Variants in RBFOX3 observed in about 807,000 individuals in gnomAD.
RBFOX3 encodes the protein RNA binding protein fox-1 homolog 3.
RBFOX3 carries 17 observed loss-of-function variants against 48.7 expected under a neutral mutation model. That is an observed-to-expected ratio of 0.35 (90% CI 0.24 to 0.52). The LOEUF (loss-of-function observed/expected upper bound fraction) is 0.52. RBFOX3 is among the 20% of genes least tolerant of loss of function. The pLI, the probability that RBFOX3 is intolerant of heterozygous loss-of-function variation, is 0.94. For synonymous variants in RBFOX3, 212 were observed against 209.5 expected (o/e 1.01, Z -0.10); for missense variants, 382 against 497.5 (o/e 0.77, Z 2.21).
At chr17:79,500,881 T>C (rs35392842) in intron 1 of RBFOX3, among the ~76,000 whole-genome samples, 84,761 of 152,046 alleles carry the variant, frequency 0.56, 24,974 homozygotes, top group Non-Finnish European at 0.66. Context: ...GGGACACGTT[T>C]GCTTGTGTGC....
chr17:79,154,999 G>A (rs1465979630), intron 4 of RBFOX3, among the ~76,000 whole-genome samples: 1 of 152,202 alleles, frequency 6.6e-6, no homozygotes, highest in African/African-American at 2.4e-5. Flanking sequence ...CTGAGGAAGG[G>A]GTGGCAGCCG....
At chr17:79,610,135 C>T (rs2093938065) in intron 1 of RBFOX3, among the ~76,000 whole-genome samples, 1 of 152,052 alleles carries the variant, frequency 6.6e-6, no homozygotes, top group Admixed American at 6.5e-5. Flanking sequence ...CGCTGCTCGG[C>T]CCCCGCGCAC....
chr17:79,453,802 G>T (rs1238401749), intron 2 of RBFOX3, among the ~76,000 whole-genome samples: 6 of 152,112 alleles, frequency 3.9e-5, no homozygotes, highest in African/African-American at 1.2e-4. Flanking sequence ...GCTCCCTCAG[G>T]TCCCCATGCA....
intron 1 of RBFOX3, among the ~76,000 whole-genome samples, chr17:79,503,166 G>A (rs1471163842): frequency 2.6e-5 from 4 of 152,098 alleles, no homozygotes; most frequent in African/African-American, 7.2e-5. Context: ...CCATCACAAC[G>A]GCCCCACCTC....
chr17:79,429,756 T>C (rs1370807261), intron 2 of RBFOX3, among the ~76,000 whole-genome samples: 1 of 152,166 alleles, frequency 6.6e-6, no homozygotes, highest in Non-Finnish European at 1.5e-5. Flanking sequence ...GGCCACATGC[T>C]TCCTGAGTGA....
At position 79,391,992 on chromosome 17, in the gene RBFOX3, C is replaced by T. The variant is rs2061429639; in HGVS notation, c.-174-84168G>A. ...AAGGAAACTTGTATGGCAACGCTCC[C>T]GCCAGGGCCCCGCGATGGTCAGGCT... On this transcript the variant is annotated intron_variant, in intron 2 of 14. Transcript: ENST00000693108. This position sits in a 1 kb window ranked among gnomAD's most constrained non-coding sequence, Gnocchi z 5.0. Among the ~76,000 whole-genome samples, 1 of 152,190 alleles carries T rather than the reference C, an allele frequency of 6.6e-6. No homozygotes were observed. The highest frequency in any genetic ancestry group is 6.5e-5 in the Admixed American group (1 of 15,280).
chr17:79,165,624 G>A (rs914111371), intron 4 of RBFOX3, among the ~76,000 whole-genome samples: 5 of 152,216 alleles, frequency 3.3e-5, no homozygotes, highest in Non-Finnish European at 7.4e-5. Flanking sequence ...GAGCCCCCTG[G>A]AGAAATTCTG....
rs2081202543 is a variant in RBFOX3, at chr17:79,494,823, A to T, written c.-319-12225T>A. Among the ~76,000 whole-genome samples, 4 of 152,298 alleles carry T rather than the reference A, an allele frequency of 2.6e-5. No homozygotes were observed. In the South Asian group the frequency reaches 8.3e-4, roughly 32 times the overall value. On this transcript the variant is annotated intron_variant, in intron 1 of 14. Transcript: ENST00000693108. ...TCTGTGGCCAGCGGCACAGTCACCA[A>T]CACCAGCATCCGGTCCAGGGCCACA...
chr17:79,471,533 C>T lies in RBFOX3; in HGVS notation c.-175+10921G>A, dbSNP rs1315056563. On this transcript the variant is annotated intron_variant, in intron 2 of 14. Transcript: ENST00000693108. This position sits in a 1 kb window ranked among gnomAD's most constrained non-coding sequence, Gnocchi z 4.0. ...TTTGTTTTGGTGGCTGAGGCAGCCG[C>T]CAGTTACCCAGTACTGTGGGTACAG... 1.3e-5 allele frequency among the ~76,000 whole-genome samples: 2 copies of T among 152,176 alleles called. No homozygotes were observed. Among genetic ancestry groups the T allele is most frequent in the African/African-American group, 2.4e-5 (1 of 41,432 alleles).
chr17:79,587,867 T>C (rs2093303475), intron 1 of RBFOX3, among the ~76,000 whole-genome samples: 1 of 152,118 alleles, frequency 6.6e-6, no homozygotes, highest in East Asian at 1.9e-4. Context: ...TTTTTAGAGA[T>C]GGGCTCTCAC....
At chr17:79,345,521 A>C (rs184606519) in intron 2 of RBFOX3, among the ~76,000 whole-genome samples, 48 of 152,332 alleles carry the variant, frequency 3.2e-4, no homozygotes, top group African/African-American at 1.1e-3. Context: ...ATCAAATGGA[A>C]GTTAAACGCT....
At chr17:79,576,221 T>C (rs1460296313) in intron 1 of RBFOX3, among the ~76,000 whole-genome samples, 5 of 152,224 alleles carry the variant, frequency 3.3e-5, no homozygotes, top group African/African-American at 1.2e-4. Flanking sequence ...GTCCTAGGAA[T>C]TTCAGACTTG....
At chr17:79,338,352 C>T (rs887334321) in intron 2 of RBFOX3, among the ~76,000 whole-genome samples, 4 of 146,466 alleles carry the variant, frequency 2.7e-5, no homozygotes, top group South Asian at 2.2e-4. Flanking sequence ...TGTAGCTCTC[C>T]GTGGTGCTGC....
intron 5 of RBFOX3, 86 bp from the exon 6 acceptor site, chr17:79,106,874 G>A: frequency 3.0e-6 from 4 of 1,325,778 alleles, no homozygotes; most frequent in Middle Eastern, 2.1e-4. Flanking sequence ...AGAGTCTAAA[G>A]GCCAGATTCT....
At chr17:79,148,017 C>CG (rs138429084) in intron 4 of RBFOX3, among the ~76,000 whole-genome samples, 7,559 of 152,300 alleles carry the variant, frequency 0.05, 260 homozygotes, top group Non-Finnish European at 0.075. Flanking sequence ...CGTGGGGCCC[C>CG]GGGGGGAGGG....
intron 4 of RBFOX3, among the ~76,000 whole-genome samples, chr17:79,134,179 T>G (rs919777976): frequency 3.5e-4 from 54 of 152,310 alleles, no homozygotes; most frequent in African/African-American, 1.2e-3. Context: ...AGCAGCCACC[T>G]CCTAGTTACT....
At chr17:79,318,579 G>A (rs4375696) in intron 2 of RBFOX3, among the ~76,000 whole-genome samples, 3,357 of 152,172 alleles carry the variant, frequency 0.022, 44 homozygotes, top group East Asian at 0.059. Context: ...GTGGGGCCAC[G>A]TGCGGTGGCT....
At chr17:79,663,787 A>G in the RBFOX3 span, among the ~76,000 whole-genome samples, 1 of 135,496 alleles carries the variant, frequency 7.4e-6, no homozygotes, top group African/African-American at 3.1e-5. Flanking sequence ...AACGCAGTAA[A>G]TCTTGGGGCG....
chr17:79,108,797 C>T (rs987177504), intron 5 of RBFOX3, among the ~76,000 whole-genome samples: 6 of 152,228 alleles, frequency 3.9e-5, no homozygotes, highest in Non-Finnish European at 7.3e-5. Context: ...TCCTGGGCTG[C>T]GCAGGGTGGT....
Sources: allele counts gnomAD v4.1 joint callset (sites outside exome capture counted in the v4.1 genomes callset), GRCh38; gene constraint gnomAD v4.1.1; non-coding constraint Gnocchi (gnomAD v3.1); transcripts MANE v1.5; gene names NCBI Gene and HGNC (gene_info 2026-07-23, HGNC 2026-07-21).